Variants in GABBR2 observed in about 807,000 individuals in gnomAD.
The protein encoded by GABBR2 is gamma-aminobutyric acid type B receptor subunit 2.
Under a neutral mutation model 105.6 loss-of-function variants are expected in GABBR2, and 23 were observed. That is an observed-to-expected ratio of 0.22 (90% CI 0.16 to 0.31). GABBR2 has a LOEUF of 0.31. Among genes scored for constraint, GABBR2 ranks in the 10% least tolerant of loss-of-function variants. GABBR2 has a pLI of 1.00. For synonymous variants in GABBR2, 478 were observed against 499.7 expected, an observed-to-expected ratio of 0.96 and a Z score of 0.58; for missense variants, 734 against 1,245.5, an observed-to-expected ratio of 0.59 and a Z score of 6.18.
chr9:98,691,629 C>T (rs1588285059), intron 1 of GABBR2, among the ~76,000 whole-genome samples: 1 of 152,190 alleles, frequency 6.6e-6, no homozygotes. Flanking sequence ...GTGACTGTTT[C>T]CCAGGCCGTT....
intron 15 of GABBR2, among the ~76,000 whole-genome samples, chr9:98,305,673 G>A (rs1183771741): frequency 6.6e-6 from 1 of 152,162 alleles, no homozygotes; most frequent in East Asian, 1.9e-4. Flanking sequence ...AAATTAGCCA[G>A]GCGTGGTGGT....
At position 98,394,248 on chromosome 9, in the gene GABBR2, C is replaced by A; in HGVS notation, c.1305G>T (p.Arg435Ser). The change falls in exon 9 of 19, where the codon AGG becomes AGT. Residue 435 changes from arginine (R) to serine (S), a missense_variant. By Grantham distance (110) the Arg-to-Ser change is moderately radical. This residue lies in a region of GABBR2 where 370 missense variants were observed against 648.9 expected (regional missense o/e 0.57). Coordinates refer to ENST00000259455, the MANE Select transcript of GABBR2 (RefSeq NM_005458.8). The part of the protein sequence containing the change: ...TIKFTQFQDS[R>S]EVKVGEYNAV... ...CGTTGTACTCTCCCACCTTCACCTC[C>A]CTGCTGTCTGTGGGGAGCAAAAGAC... 6.2e-7 allele frequency: 1 copy of A among 1,612,856 alleles called. No individual in the cohort carries two copies. The highest frequency in any genetic ancestry group is 8.5e-7 in the Non-Finnish European group (1 of 1,178,858).
intron 6 of GABBR2, among the ~76,000 whole-genome samples, chr9:98,468,140 C>G (rs984114645): frequency 6.6e-6 from 1 of 152,134 alleles, no homozygotes; most frequent in Non-Finnish European, 1.5e-5. Context: ...GTCCAAGTCC[C>G]AACGCAGGAC....
intron 11 of GABBR2, among the ~76,000 whole-genome samples, chr9:98,384,357 G>A (rs1040176071): frequency 5.9e-5 from 9 of 152,160 alleles, no homozygotes; most frequent in African/African-American, 1.2e-4. Context: ...TAGGGAGGCC[G>A]AGGCAGGCAG....
chr9:98,690,065 G>T (rs549319104), intron 1 of GABBR2, among the ~76,000 whole-genome samples: 1 of 152,266 alleles, frequency 6.6e-6, no homozygotes, highest in South Asian at 2.1e-4. Context: ...TTCTTCTGCA[G>T]CTTCCATGAT....
intron 2 of GABBR2, among the ~76,000 whole-genome samples, chr9:98,545,066 T>C (rs945523506): frequency 6.6e-6 from 1 of 152,184 alleles, no homozygotes; most frequent in African/African-American, 2.4e-5. Context: ...CTAATACAAT[T>C]TGGAAAATAT....
intron 4 of GABBR2, among the ~76,000 whole-genome samples, chr9:98,490,884 G>A (rs975291407): frequency 2.6e-5 from 4 of 152,126 alleles, no homozygotes; most frequent in Non-Finnish European, 2.9e-5. Context: ...AAAGGGCCTC[G>A]CGACTTCATC....
At chr9:98,431,525 A>AG (rs1384841331) in intron 7 of GABBR2, among the ~76,000 whole-genome samples, 6 of 152,140 alleles carry the variant, frequency 3.9e-5, no homozygotes, top group African/African-American at 1.4e-4. Flanking sequence ...TGAAGTTTGG[A>AG]AATTCTGATG....
At chr9:98,313,463 A>T (rs1830665810) in intron 13 of GABBR2, among the ~76,000 whole-genome samples, 1 of 152,134 alleles carries the variant, frequency 6.6e-6, no homozygotes, top group South Asian at 2.1e-4. Context: ...CCATATTTTC[A>T]TCACTCTTCT....
intron 1 of GABBR2, among the ~76,000 whole-genome samples, chr9:98,651,604 T>TA (rs936321781): frequency 1.1e-4 from 16 of 151,266 alleles, no homozygotes; most frequent in African/African-American, 2.4e-4. Context: ...TTGGCTAATT[T>TA]AAAAAAAAAT....
At position 98,585,731 on chromosome 9, in the gene GABBR2, A is replaced by C. The variant is rs947812103; in HGVS notation, c.322-7659T>G. Among the ~76,000 whole-genome samples, 2 of 23,026 alleles carry C rather than the reference A, an allele frequency of 8.7e-5. 1 individual carries two copies. Among genetic ancestry groups the C allele is most frequent in the East Asian group, 7.6e-4 (2 of 2,646 alleles). 15.1% of individuals were successfully genotyped at this position (23,026 alleles called of 152,430 possible). ...TTATTCATGCCTCTCAATATTATTA[A>C]AAGGTATAGGCTGAGTATCCCTAAT... On this transcript the variant is annotated intron_variant, in intron 1 of 18. Transcript: ENST00000259455.
chr9:98,344,094 C>G (rs1588113126), intron 13 of GABBR2, among the ~76,000 whole-genome samples: 1 of 152,234 alleles, frequency 6.6e-6, no homozygotes, highest in Non-Finnish European at 1.5e-5. Flanking sequence ...ATTTCCCCCA[C>G]CTTTCCAGTC....
At position 98,708,907 on chromosome 9, in the gene GABBR2, G is replaced by T; in HGVS notation, c.-170C>A. The T allele has an allele frequency of 4.3e-6, 1 of 230,124 alleles. No homozygotes were observed. The highest frequency in any genetic ancestry group is 7.2e-6 in the Non-Finnish European group (1 of 139,228). The allele number at this position is 230,124 out of a possible 1,614,324, so 14.3% of individuals were successfully genotyped here. ...GGCTCAGAACGGCCGCGGCGGCGGC[G>T]GCGGCAGCGGCGGCGCCCGTGACGG... On this transcript the variant is annotated 5_prime_UTR_variant, in exon 1 of 19. Coordinates refer to ENST00000259455, the MANE Select transcript of GABBR2 (RefSeq NM_005458.8).
intron 1 of GABBR2, among the ~76,000 whole-genome samples, chr9:98,627,763 G>C (rs533438837): frequency 8.5e-5 from 13 of 152,348 alleles, no homozygotes; most frequent in African/African-American, 2.9e-4. Flanking sequence ...CTCAGTCAAT[G>C]ACAAAAGGCA....
At chr9:98,409,959 G>A (rs539345067) in intron 7 of GABBR2, among the ~76,000 whole-genome samples, 1 of 152,198 alleles carries the variant, frequency 6.6e-6, no homozygotes, top group East Asian at 1.9e-4. Context: ...AAGGTCGCTG[G>A]GGCTGGCTCT....
intron 1 of GABBR2, among the ~76,000 whole-genome samples, chr9:98,578,692 A>G (rs1828955970): frequency 6.6e-6 from 1 of 152,210 alleles, no homozygotes; most frequent in African/African-American, 2.4e-5. Flanking sequence ...ATGATAGCCA[A>G]CAGATGGAAA....
intron 2 of GABBR2, among the ~76,000 whole-genome samples, chr9:98,575,133 G>A (rs1307160655): frequency 1.3e-5 from 2 of 152,170 alleles, no homozygotes; most frequent in Non-Finnish European, 2.9e-5. Context: ...CAGGCAGAGT[G>A]GAGTGGGACA....
At chr9:98,596,440 T>C (rs1829235403) in intron 1 of GABBR2, among the ~76,000 whole-genome samples, 2 of 152,180 alleles carry the variant, frequency 1.3e-5, no homozygotes, top group African/African-American at 2.4e-5. Flanking sequence ...CTCTGGCTTA[T>C]GGGTTCCCTT....
intron 11 of GABBR2, among the ~76,000 whole-genome samples, chr9:98,381,958 T>C (rs924241815): frequency 2.0e-5 from 3 of 152,156 alleles, no homozygotes; most frequent in Non-Finnish European, 2.9e-5. Flanking sequence ...CCTGTGGTTG[T>C]TGAATTCAGG....
Sources: gnomAD v4.1 joint callset for allele counts (sites outside exome capture counted in the v4.1 genomes callset) on GRCh38, gnomAD v4.1.1 for gene constraint, gnomAD v4.1.1 regional missense constraint, MANE v1.5 for transcripts, NCBI Gene and HGNC (gene_info 2026-07-23, HGNC 2026-07-21) for gene names.